The following AIF1L variants were observed in gnomAD, a reference collection of about 807,000 sequenced individuals.
AIF1L encodes the protein allograft inflammatory factor 1-like.
A neutral mutation model predicts 20.7 loss-of-function variants in AIF1L; 12 were observed. The ratio of observed to expected loss-of-function variants is 0.58; its 90% CI spans 0.37 to 0.94. The LOEUF is 0.94. Ranked by LOEUF, AIF1L falls within the 40% of genes least tolerant of loss-of-function variation. AIF1L has a pLI of 0.01. For missense variants in AIF1L, 173 were observed against 185.3 expected, an observed-to-expected ratio of 0.93 and a Z score of 0.39; for synonymous variants, 76 against 65.1, an observed-to-expected ratio of 1.17 and a Z score of -0.81.
intron 2 of AIF1L, among the ~76,000 whole-genome samples, chr9:131,108,448 C>T (rs958075038): frequency 1.3e-5 from 2 of 152,156 alleles, no homozygotes; most frequent in African/African-American, 2.4e-5. Context: ...GATTTGCTCA[C>T]CTCGGCCTCC....
intron 2 of AIF1L, chr9:131,098,254 C>T (rs1830566610): frequency 6.6e-6 from 1 of 152,446 alleles, no homozygotes; most frequent in Non-Finnish European, 1.5e-5. Flanking sequence ...GTTCCCCCTC[C>T]AGGTAAGCTC....
rs981535067 is a variant in AIF1L at position 131,121,119 on chromosome 9, C to T, written c.*797C>T. The stretch of plus-strand genomic sequence containing the variant: ...GCTGTTCCACCTTTTAGGGAGGTTA[C>T]TGAGGGGACCAGGATGGGAGAATGA... On this transcript the variant is annotated 3_prime_UTR_variant, in exon 6 of 6. Transcript: ENST00000247291. The T allele has an allele frequency of 1.4e-5, 10 of 714,196 alleles. No individual in the cohort carries two copies. In the Admixed American group the frequency reaches 1.6e-4, roughly 12 times the overall value. 44.2% of individuals were successfully genotyped at this position (714,196 alleles called of 1,614,324 possible). A position where few individuals can be genotyped will look rare whatever the true frequency, so the allele number is the denominator to read the frequency against.
chr9:131,097,730 G>A (rs1034243673), intron 2 of AIF1L, among the ~76,000 whole-genome samples: 2 of 152,216 alleles, frequency 1.3e-5, no homozygotes, highest in African/African-American at 4.8e-5. Flanking sequence ...CAAGACCTGG[G>A]CTCAGATCTG....
At chr9:131,114,451 T>G in intron 3 of AIF1L, 126 bp from the exon 4 acceptor site, 2 of 1,033,462 alleles carry the variant, frequency 1.9e-6, no homozygotes, top group Non-Finnish European at 1.5e-6. Context: ...TCAAGACCCT[T>G]GGTAGGGTGC....
chr9:131,121,034 A>G lies in AIF1L; in HGVS notation c.*712A>G. 4.3e-6 allele frequency: 3 copies of G among 694,138 alleles called. No homozygotes were observed. In the South Asian group the frequency reaches 4.8e-5, roughly 11 times the overall value. 43.0% of individuals were successfully genotyped at this position (694,138 alleles called of 1,614,324 possible). On this transcript the variant is annotated 3_prime_UTR_variant, in exon 6 of 6. Coordinates refer to ENST00000247291, the MANE Select transcript of AIF1L (RefSeq NM_031426.4). Reference sequence around the variant, plus strand: ...CAGCCCTACTGTCCCTTACTGGGGCAGCAGAGGGCTTCGGAGGCAGAAGTG... The same window carrying G: ...CAGCCCTACTGTCCCTTACTGGGGCGGCAGAGGGCTTCGGAGGCAGAAGTG...
chr9:131,111,270 C>A, intron 2 of AIF1L: 1 of 276,544 alleles, frequency 3.6e-6, no homozygotes, highest in Non-Finnish European at 6.8e-6. Flanking sequence ...CTTTGGAGCT[C>A]ACAGCTTCTC....
intron 2 of AIF1L, among the ~76,000 whole-genome samples, chr9:131,100,662 C>T (rs1448521758): frequency 2.6e-5 from 4 of 152,240 alleles, no homozygotes; most frequent in Non-Finnish European, 1.5e-5. Context: ...CCTACTCCCC[C>T]TACATAGCTG....
chr9:131,106,006 A>T (rs1384516056), intron 2 of AIF1L, among the ~76,000 whole-genome samples: 2 of 151,954 alleles, frequency 1.3e-5, no homozygotes, highest in Admixed American at 6.6e-5. Context: ...TTTTGTAGAG[A>T]TGGGATCTCC....
chr9:131,118,883 C>T (rs1831071861), intron 5 of AIF1L, among the ~76,000 whole-genome samples: 1 of 152,162 alleles, frequency 6.6e-6, no homozygotes, highest in African/African-American at 2.4e-5. Context: ...ACTACCCCCA[C>T]AGGCTTGTAA....
In AIF1L at chr9:131,096,676, C is replaced by G; in HGVS notation, c.31+16C>G. ...AGGTTCCAAGGTAGGCGCCGCCGTC[C>G]CCGAGCAGCCACCTGTGCGCGCCGG... is the stretch of plus-strand genomic sequence containing the variant. On this transcript the variant is annotated intron_variant, in intron 1 of 5. Coordinates refer to ENST00000247291, the MANE Select transcript of AIF1L (RefSeq NM_031426.4). 6.8e-7 allele frequency: 1 copy of G among 1,473,532 alleles called. No homozygotes were observed. The highest frequency in any genetic ancestry group is 8.9e-7 in the Non-Finnish European group (1 of 1,119,484). The allele number at this position is 1,473,532 out of a possible 1,614,324, so 91.3% of individuals were successfully genotyped here. A position where few individuals can be genotyped will look rare whatever the true frequency, so the allele number is the denominator to read the frequency against.
intron 3 of AIF1L, among the ~76,000 whole-genome samples, chr9:131,112,889 G>T (rs1830925555): frequency 6.6e-6 from 1 of 152,072 alleles, no homozygotes; most frequent in Admixed American, 6.5e-5. Context: ...GGGTCTCAGG[G>T]CTCTGGCACC....
At chr9:131,118,319 C>T (rs1831058924) in intron 5 of AIF1L, among the ~76,000 whole-genome samples, 1 of 152,196 alleles carries the variant, frequency 6.6e-6, no homozygotes, top group Non-Finnish European at 1.5e-5. Context: ...TCTCAAACTC[C>T]TGACCTCAGG....
intron 3 of AIF1L, chr9:131,112,381 T>A (rs1299719701): frequency 2.6e-5 from 4 of 152,328 alleles, no homozygotes; most frequent in Non-Finnish European, 5.9e-5. Flanking sequence ...GTGAGCATCC[T>A]CCCGGCTCCA....
intron 3 of AIF1L, 135 bp downstream of exon 3, chr9:131,111,798 G>A (rs1177349017): frequency 9.8e-6 from 9 of 918,598 alleles, no homozygotes; most frequent in Non-Finnish European, 1.5e-5. Context: ...TCTTCCTGGA[G>A]AAGGCTTGGA....
chr9:131,118,010 C>T lies in AIF1L; in HGVS notation c.365+92C>T, dbSNP rs1477662688. The T allele has an allele frequency of 5.8e-6, 8 of 1,381,406 alleles. No homozygotes were observed. In the South Asian group the frequency reaches 8.9e-5, roughly 15 times the overall value. 85.6% of individuals were successfully genotyped at this position (1,381,406 alleles called of 1,614,324 possible). A position where few individuals can be genotyped will look rare whatever the true frequency, so the allele number is the denominator to read the frequency against. On this transcript the variant is annotated intron_variant, in intron 5 of 5. Transcript: ENST00000247291. The stretch of plus-strand genomic sequence containing the variant: ...CTCTGGGCACCCCAGCCATTCCCCA[C>T]CTAGTAGGTAACTCATTGTGCGACC...
At chr9:131,098,437 C>G (rs959188667) in intron 2 of AIF1L, among the ~76,000 whole-genome samples, 4 of 152,160 alleles carry the variant, frequency 2.6e-5, no homozygotes, top group Non-Finnish European at 1.5e-5. Context: ...GCCCTCTGGA[C>G]AGAAGGCTGG....
At chr9:131,101,849 C>A (rs1830647142) in intron 2 of AIF1L, among the ~76,000 whole-genome samples, 1 of 152,166 alleles carries the variant, frequency 6.6e-6, no homozygotes, top group Admixed American at 6.5e-5. Flanking sequence ...GTCCAGCCCT[C>A]CTGGGTCGAA....
At chr9:131,111,173 TAA>T (rs33962374) in intron 2 of AIF1L, among the ~76,000 whole-genome samples, 2,354 of 137,906 alleles carry the variant, frequency 0.017, 47 homozygotes, top group African/African-American at 0.052. Flanking sequence ...CAAGACTTCT[TAA>T]AAAAAAAAAA....
intron 3 of AIF1L, among the ~76,000 whole-genome samples, chr9:131,113,209 G>A (rs1196650814): frequency 6.6e-6 from 1 of 151,870 alleles, no homozygotes; most frequent in Admixed American, 6.6e-5. Flanking sequence ...TTTTGAAAGG[G>A]TGGGGAGGCC....
Sources: gnomAD v4.1 joint callset for allele counts (sites outside exome capture counted in the v4.1 genomes callset) on GRCh38, gnomAD v4.1.1 for gene constraint, MANE v1.5 for transcripts, NCBI Gene and HGNC (gene_info 2026-07-23, HGNC 2026-07-21) for gene names.